Variants in TTLL5 observed in about 807,000 individuals in gnomAD.
TTLL5 encodes the protein tubulin tyrosine ligase like 5.
In TTLL5, 132 loss-of-function variants were observed where a neutral mutation model predicts 168.4. The ratio of observed to expected loss-of-function variants is 0.78; its 90% CI spans 0.68 to 0.91. TTLL5 has a LOEUF of 0.91. Ranked by LOEUF, TTLL5 falls within the 40% of genes least tolerant of loss-of-function variation. The pLI is 0.00. For synonymous variants in TTLL5, 546 were observed against 558.6 expected, an observed-to-expected ratio of 0.98 and a Z score of 0.32; for missense variants, 1,545 against 1,581.5, an observed-to-expected ratio of 0.98 and a Z score of 0.39.
At chr14:75,694,157 C>T (rs745414962) in intron 6 of TTLL5, among the ~76,000 whole-genome samples, 7 of 152,162 alleles carry the variant, frequency 4.6e-5, no homozygotes, top group Non-Finnish European at 7.3e-5. Context: ...CAAGACTGCC[C>T]GGCCTTTGCC....
intron 9 of TTLL5, among the ~76,000 whole-genome samples, chr14:75,716,565 T>C (rs1887475696): frequency 6.6e-6 from 1 of 152,172 alleles, no homozygotes; most frequent in African/African-American, 2.4e-5. Context: ...CATATGTAAA[T>C]AATTTGTAAG....
chr14:75,905,820 T>C (rs1223431913), intron 31 of TTLL5, among the ~76,000 whole-genome samples: 1 of 152,240 alleles, frequency 6.6e-6, no homozygotes, highest in Non-Finnish European at 1.5e-5. Context: ...GCAGCTGCCC[T>C]CATCCCTGCC....
At chr14:75,861,686 GTTTC>G (rs1158492209) in intron 28 of TTLL5, among the ~76,000 whole-genome samples, 1 of 152,090 alleles carries the variant, frequency 6.6e-6, no homozygotes, top group African/African-American at 2.4e-5. Flanking sequence ...AAAGTCTTAT[GTTTC>G]TTCTATGTAC....
At position 75,675,708 on chromosome 14, in the gene TTLL5, T is replaced by C. The variant is rs182405741; in HGVS notation, c.182-5837T>C. Among the ~76,000 whole-genome samples, 41 of 152,322 alleles carry C rather than the reference T, an allele frequency of 2.7e-4. 1 individual carries two copies. The East Asian group carries it at 6.8e-3, about 25-fold the overall frequency. Reference sequence around the variant, plus strand: ...TTCAGTTTACAGTTGCAATCTTCCATTTGACTCTTGTCATGGGAGAGAAAG... The same window carrying C: ...TTCAGTTTACAGTTGCAATCTTCCACTTGACTCTTGTCATGGGAGAGAAAG... On this transcript the variant is annotated intron_variant, in intron 3 of 31. Coordinates refer to ENST00000298832, the MANE Select transcript of TTLL5 (RefSeq NM_015072.5).
At chr14:75,714,526 C>T (rs1012078790) in intron 9 of TTLL5, among the ~76,000 whole-genome samples, 3 of 152,020 alleles carry the variant, frequency 2.0e-5, no homozygotes, top group Admixed American at 6.6e-5. Context: ...TTTATCTTCT[C>T]GTTTATTTAT....
chr14:75,941,819 T>C (rs2034614038), intron 31 of TTLL5, among the ~76,000 whole-genome samples: 4 of 151,596 alleles, frequency 2.6e-5, no homozygotes, highest in Admixed American at 1.3e-4. Flanking sequence ...GGGCCTTCTT[T>C]ATTGGCAGAA....
chr14:75,704,145 T>A (rs1443487280), intron 7 of TTLL5, among the ~76,000 whole-genome samples: 1 of 152,210 alleles, frequency 6.6e-6, no homozygotes, highest in Admixed American at 6.5e-5. Flanking sequence ...GTAACTCAGG[T>A]CCAGATGATT....
rs1555353208 is a variant in TTLL5 at position 75,874,933 on chromosome 14, C to CTTTTTT, written c.3523-7739_3523-7734dup. ...AGAGAAAAAAAAAGACACTGGGGGC[C>CTTTTTT]TTTTTTTTTTTTTTTTTTGAGACGG... is the stretch of plus-strand genomic sequence containing the variant. On this transcript the variant is annotated intron_variant, in intron 29 of 31. Coordinates refer to ENST00000298832, the MANE Select transcript of TTLL5 (RefSeq NM_015072.5). Among the ~76,000 whole-genome samples, 37 of 97,510 alleles carry CTTTTTT rather than the reference C, an allele frequency of 3.8e-4. 2 individuals are homozygous for CTTTTTT. The highest frequency in any genetic ancestry group is 1.2e-3 in the East Asian group (3 of 2,430). 64.0% of individuals were successfully genotyped at this position (97,510 alleles called of 152,430 possible).
chr14:75,792,944 A>G lies in TTLL5; in HGVS notation c.3015A>G (p.Ser1005=). The change falls in exon 27 of 32, where the codon TCA becomes TCG. Residue 1005 remains serine, a synonymous_variant. Transcript: ENST00000298832. ...AGSCYLNKHH[S]GIAKTQKEGE... ...CGTGCTATCTAAACAAGCATCATTCAGGAATAGCCAAAACACAAAAAGAGG... is the reference window on the plus strand; with the variant it reads ...CGTGCTATCTAAACAAGCATCATTCGGGAATAGCCAAAACACAAAAAGAGG... The G allele has an allele frequency of 6.2e-7, 1 of 1,609,812 alleles. No homozygotes were observed. The highest frequency in any genetic ancestry group is 8.5e-7 in the Non-Finnish European group (1 of 1,177,334).
chr14:75,801,642 A>G (rs1329040733), intron 27 of TTLL5, among the ~76,000 whole-genome samples: 4 of 152,136 alleles, frequency 2.6e-5, no homozygotes, highest in Admixed American at 1.3e-4. Flanking sequence ...AAGCTCAATT[A>G]TAGGTTATTC....
chr14:75,684,704 A>G (rs1390032844), intron 5 of TTLL5: 4 of 152,162 alleles, frequency 2.6e-5, no homozygotes, highest in Non-Finnish European at 5.9e-5. Flanking sequence ...CCTATGTATA[A>G]TTTTGCTGTA....
intron 18 of TTLL5, among the ~76,000 whole-genome samples, chr14:75,761,772 A>G (rs1048202335): frequency 6.6e-6 from 1 of 152,212 alleles, no homozygotes; most frequent in Non-Finnish European, 1.5e-5. Flanking sequence ...AGCTCTAGGC[A>G]TTTGTCAGAA....
At chr14:75,715,385 G>GA (rs942413876) in intron 9 of TTLL5, among the ~76,000 whole-genome samples, 3 of 149,456 alleles carry the variant, frequency 2.0e-5, no homozygotes, top group East Asian at 4.0e-4. Flanking sequence ...AAGTTTAAAA[G>GA]AAAAAACAAA....
At chr14:75,839,049 G>T in intron 28 of TTLL5, 1 of 156,046 alleles carries the variant, frequency 6.4e-6, no homozygotes. Flanking sequence ...ATTCCTTGAT[G>T]GGCAGGGAGA....
chr14:75,717,785 C>T (rs886690804), intron 9 of TTLL5, 76 bp from the exon 10 acceptor site: 6 of 1,348,636 alleles, frequency 4.4e-6, no homozygotes, highest in Non-Finnish European at 6.3e-6. Flanking sequence ...TTATTATTAT[C>T]TCATTGATCC....
intron 24 of TTLL5, among the ~76,000 whole-genome samples, chr14:75,781,689 T>A (rs1439604048): frequency 6.6e-6 from 1 of 152,196 alleles, no homozygotes; most frequent in Non-Finnish European, 1.5e-5. Context: ...GCATGGTGGC[T>A]CACGCCTGTA....
At chr14:75,933,154 C>G (rs569913378) in intron 31 of TTLL5, among the ~76,000 whole-genome samples, 1 of 152,118 alleles carries the variant, frequency 6.6e-6, no homozygotes, top group East Asian at 1.9e-4. Flanking sequence ...GAAAACTTAA[C>G]GGCTTAAAAC....
At chr14:75,692,674 C>G (rs938810933) in intron 6 of TTLL5, among the ~76,000 whole-genome samples, 1 of 152,138 alleles carries the variant, frequency 6.6e-6, no homozygotes, top group Non-Finnish European at 1.5e-5. Context: ...ACAAACATTA[C>G]TGCCTGTGTA....
intron 31 of TTLL5, among the ~76,000 whole-genome samples, chr14:75,941,031 T>G (rs2034585899): frequency 6.6e-6 from 1 of 152,170 alleles, no homozygotes; most frequent in Admixed American, 6.5e-5. Context: ...ACACTTGAGC[T>G]CTTGTTGGTT....
Sources: allele counts gnomAD v4.1 joint callset (sites outside exome capture counted in the v4.1 genomes callset), GRCh38; gene constraint gnomAD v4.1.1; transcripts MANE v1.5; gene names NCBI Gene and HGNC (gene_info 2026-07-23, HGNC 2026-07-21).